Variants in LPA observed in about 807,000 individuals in gnomAD.
LPA encodes the protein apolipoprotein(a).
In LPA, 199 loss-of-function variants were observed where a neutral mutation model predicts 197.9. The observed-to-expected ratio is 1.01, with a 90% CI of 0.90 to 1.13. The LOEUF is 1.13. Ranked by LOEUF, LPA falls within the 50% of genes most tolerant of loss-of-function variation. The pLI is 0.00. For synonymous variants in LPA, 715 were observed against 639.5 expected (o/e 1.12, Z -1.78); for missense variants, 1,853 against 1,785.8 (o/e 1.04, Z -0.68).
At chr6:160,593,729 C>T (rs41271042) in intron 22 of LPA, among the ~76,000 whole-genome samples, 1,732 of 152,262 alleles carry the variant, frequency 0.011, 38 homozygotes, top group African/African-American at 0.04. Context: ...TTCATGAGAA[C>T]TCACCACCTT....
chr6:160,606,634 C>G lies in LPA; in HGVS notation c.2628G>C (p.Arg876Ser), dbSNP rs538209184. The G allele has an allele frequency of 1.9e-6, 3 of 1,613,896 alleles. No individual in the cohort carries two copies. Among genetic ancestry groups the G allele is most frequent in the East Asian group, 4.5e-5 (2 of 44,880 alleles). ...PNAGLIMNYCRNPDPVAAPYC... is the reference protein window; with the variant it reads ...PNAGLIMNYCSNPDPVAAPYC... Reference sequence around the variant, plus strand: ...AAGGGGCTGCCACAGGATCTGGATTCCTGCAGTAGTTCATGATCAAGCCAC... The same window carrying G: ...AAGGGGCTGCCACAGGATCTGGATTGCTGCAGTAGTTCATGATCAAGCCAC... The change falls in exon 17 of 39, where the codon AGG becomes AGC. Residue 876 changes from arginine (R) to serine (S), a missense_variant. Arg to Ser is a moderately radical substitution (Grantham distance 110). This residue lies in a region of LPA where 1,737 missense variants were observed against 1,504.4 expected (regional missense o/e 1.15). Transcript: ENST00000316300.
intron 1 of LPA, among the ~76,000 whole-genome samples, chr6:160,659,656 T>C (rs1389931926): frequency 6.6e-6 from 1 of 152,158 alleles, no homozygotes; most frequent in East Asian, 1.9e-4. Flanking sequence ...GGGCTGTGGG[T>C]TGTCTCTTGG....
chr6:160,589,797 A>T (rs1215822180), intron 23 of LPA, 85 bp from the exon 24 acceptor site: 1 of 1,492,782 alleles, frequency 6.7e-7, no homozygotes, highest in African/African-American at 1.4e-5. Flanking sequence ...GAAACAGGAC[A>T]TCATCTCTGA....
rs1309579336 is a variant in LPA, at chr6:160,547,852, C to A, written c.5241G>T (p.Gln1747His). 1 of 1,614,130 alleles carries A rather than the reference C, an allele frequency of 6.2e-7. No individual in the cohort carries two copies. The change falls in exon 32 of 39, where the codon CAG becomes CAT. Residue 1747 changes from glutamine to histidine, a missense_variant. Physicochemically the swap from Gln to His is conservative, Grantham distance 24. This residue lies in a region of LPA where 1,737 missense variants were observed against 1,504.4 expected (regional missense o/e 1.15). Coordinates refer to ENST00000316300, the MANE Select transcript of LPA (RefSeq NM_005577.4). ...TGTPCQEWAAQEPHRHSTFIP... is the reference protein window; with the variant it reads ...TGTPCQEWAAHEPHRHSTFIP... ...TGAACGTGCTGTGTCTATGGGGCTC[C>A]TGGGCAGCCCATTCCTGGCATGGCG... is the stretch of plus-strand genomic sequence containing the variant.
chr6:160,610,840 C>T (rs1779487279), intron 16 of LPA, among the ~76,000 whole-genome samples: 2 of 152,128 alleles, frequency 1.3e-5, no homozygotes, highest in African/African-American at 4.8e-5. Flanking sequence ...TTGGCCCTCT[C>T]TCAATTCTCT....
At chr6:160,553,954 T>TGC (rs1554231703) in intron 30 of LPA, among the ~76,000 whole-genome samples, 13 of 130,742 alleles carry the variant, frequency 9.9e-5, no homozygotes, top group Middle Eastern at 3.5e-3. Context: ...TGTGTGTGTG[T>TGC]GCGCGCGCGC....
At chr6:160,549,605 A>G (rs1278760354) in intron 30 of LPA, among the ~76,000 whole-genome samples, 1 of 152,198 alleles carries the variant, frequency 6.6e-6, no homozygotes, top group Non-Finnish European at 1.5e-5. Context: ...CTGCATTTAC[A>G]GTGAAAAACA....
chr6:160,557,301 A>G, intron 29 of LPA, 89 bp downstream of exon 29: 1 of 1,459,142 alleles, frequency 6.9e-7, no homozygotes, highest in Non-Finnish European at 9.6e-7. Context: ...GTTTCTGTGT[A>G]GCATGGAAGG....
At chr6:160,547,424 T>C (rs1778089836) in intron 32 of LPA, among the ~76,000 whole-genome samples, 1 of 152,114 alleles carries the variant, frequency 6.6e-6, no homozygotes. Context: ...CAGATGAAGC[T>C]TTGTTTGCTC....
chr6:160,569,412 G>A (rs2115022898), intron 28 of LPA, among the ~76,000 whole-genome samples: 1 of 152,050 alleles, frequency 6.6e-6, no homozygotes, highest in East Asian at 1.9e-4. Flanking sequence ...ATGGTGCTGG[G>A]AAAACTGCCT....
At chr6:160,641,040 A>C (rs1247358729) in intron 4 of LPA, among the ~76,000 whole-genome samples, 192 bp from the exon 5 acceptor site, 1 of 138,970 alleles carries the variant, frequency 7.2e-6, no homozygotes, top group African/African-American at 2.9e-5. Context: ...CTCATACTTA[A>C]TAGATTATTA....
At chr6:160,651,429 A>T (rs963897447) in intron 1 of LPA, among the ~76,000 whole-genome samples, 13 of 152,226 alleles carry the variant, frequency 8.5e-5, no homozygotes, top group African/African-American at 2.2e-4. Flanking sequence ...GCAACCCATC[A>T]CTGGAGGAAT....
chr6:160,657,096 A>C (rs1780145548), intron 1 of LPA, among the ~76,000 whole-genome samples: 1 of 152,156 alleles, frequency 6.6e-6, no homozygotes, highest in South Asian at 2.1e-4. Context: ...TAAATTTTGT[A>C]GTTGAGTGAC....
intron 28 of LPA, among the ~76,000 whole-genome samples, chr6:160,573,371 T>C (rs1245635477): frequency 1.3e-5 from 2 of 152,144 alleles, no homozygotes; most frequent in Non-Finnish European, 2.9e-5. Flanking sequence ...TTCCTTGCAT[T>C]GGGCTTTGCC....
chr6:160,564,042 T>C (rs1048420607), intron 28 of LPA, among the ~76,000 whole-genome samples: 1 of 152,244 alleles, frequency 6.6e-6, no homozygotes, highest in African/African-American at 2.4e-5. Context: ...TGTCTTTTAA[T>C]TGGGGCATTT....
chr6:160,556,097 C>T lies in LPA; in HGVS notation c.4901G>A (p.Gly1634Glu). The part of the protein sequence containing the change: ...YRGTFSTTVT[G>E]RTCQSWSSMT... ...GGATGACCAAGATTGACATGTCCTT[C>T]CTGTGACAGTGGTGGAGAATGTGCC... Residue 1634 changes from glycine (G) to glutamate (E), a missense_variant, in exon 30 of 39, where the codon GGA becomes GAA. Transcript: ENST00000316300. The T allele has an allele frequency of 6.2e-7, 1 of 1,613,904 alleles. No individual in the cohort carries two copies. The highest frequency in any genetic ancestry group is 1.3e-5 in the African/African-American group (1 of 75,000).
In LPA at chr6:160,532,534, GCAACTGTCAGTGCCTCTGGC is replaced by G; in HGVS notation, c.5938_5957del (p.Ala1980ProfsTer3). ...TGATCTATTGATCTTTTCTTACCTG[GCAACTGTCAGTGCCTCTGGC>G]CAAATGCTCAGCACAAATATACTTA... is the stretch of plus-strand genomic sequence containing the variant. On this transcript the variant is annotated frameshift_variant, in exon 38 of 39. Coordinates refer to ENST00000316300, the MANE Select transcript of LPA (RefSeq NM_005577.4). LOFTEE classifies it high-confidence loss of function. 1 of 1,586,516 alleles carries G rather than the reference GCAACTGTCAGTGCCTCTGGC, an allele frequency of 6.3e-7. No individual in the cohort carries two copies. Among genetic ancestry groups the G allele is most frequent in the South Asian group, 1.1e-5 (1 of 90,488 alleles).
At chr6:160,564,642 G>A (rs375988061) in intron 28 of LPA, among the ~76,000 whole-genome samples, 23 of 152,292 alleles carry the variant, frequency 1.5e-4, no homozygotes, top group Middle Eastern at 3.4e-3. Context: ...TCATCTCACC[G>A]GGGCTTGTCA....
chr6:160,654,109 T>A (rs1233265768), intron 1 of LPA, among the ~76,000 whole-genome samples: 1 of 72,922 alleles, frequency 1.4e-5, no homozygotes, highest in South Asian at 4.2e-4. Flanking sequence ...ATATAATATA[T>A]TATATGTATA....
Sources: allele counts gnomAD v4.1 joint callset (sites outside exome capture counted in the v4.1 genomes callset), GRCh38; gene constraint gnomAD v4.1.1; regional missense constraint gnomAD v4.1.1; transcripts MANE v1.5; gene names NCBI Gene and HGNC (gene_info 2026-07-23, HGNC 2026-07-21).